The following PIK3C3 variants were observed in gnomAD, a reference collection of about 807,000 sequenced individuals.
PIK3C3 encodes the protein phosphatidylinositol 3-kinase catalytic subunit type 3.
PIK3C3 carries 95 observed loss-of-function variants against 126.1 expected under a neutral mutation model. That is an observed-to-expected ratio of 0.75 (90% CI 0.64 to 0.89). The LOEUF (loss-of-function observed/expected upper bound fraction) is 0.89. Ranked by LOEUF, PIK3C3 falls within the 40% of genes least tolerant of loss-of-function variation. The pLI, the probability that PIK3C3 is intolerant of heterozygous loss-of-function variation, is 0.00. For synonymous variants in PIK3C3, 374 were observed against 360.0 expected, an observed-to-expected ratio of 1.04 and a Z score of -0.44; for missense variants, 829 against 1,063.2, an observed-to-expected ratio of 0.78 and a Z score of 3.06.
chr18:42,020,543 T>G (rs1373252283), intron 12 of PIK3C3, 95 bp from the exon 13 acceptor site: 4 of 726,106 alleles, frequency 5.5e-6, no homozygotes, highest in Admixed American at 2.5e-5. Flanking sequence ...ACATAAGATA[T>G]ACAGATGAAA....
intron 6 of PIK3C3, 128 bp from the exon 7 acceptor site, chr18:41,993,142 T>TA: frequency 1.9e-6 from 1 of 538,500 alleles, no homozygotes; most frequent in Non-Finnish European, 3.3e-6. Flanking sequence ...TAGAAGAAGA[T>TA]AAGGATTTCT....
chr18:41,977,014 A>G (rs1032391664), intron 4 of PIK3C3, among the ~76,000 whole-genome samples: 15 of 152,210 alleles, frequency 9.9e-5, no homozygotes, highest in East Asian at 5.8e-4. Flanking sequence ...TGAAGAATGT[A>G]TTGTTCTTAT....
At position 41,957,552 on chromosome 18, in the gene PIK3C3, T is replaced by C. The variant is rs2144284193; in HGVS notation, c.69-18T>C. 1.2e-6 allele frequency: 2 copies of C among 1,600,122 alleles called. No homozygotes were observed. The highest frequency in any genetic ancestry group is 1.7e-6 in the Non-Finnish European group (2 of 1,176,596). Reference sequence around the variant, plus strand: ...TAAAAAATTCATGTCTGAAACATTGTTGGTCTTGTGCTTTCAGAGGAAGCT... The same window carrying C: ...TAAAAAATTCATGTCTGAAACATTGCTGGTCTTGTGCTTTCAGAGGAAGCT... On this transcript the variant is annotated intron_variant, in intron 1 of 24. Coordinates refer to ENST00000262039, the MANE Select transcript of PIK3C3 (RefSeq NM_002647.4).
chr18:42,076,151 T>TATATATATGCACATATATATATATGCAC (rs1555643425), intron 24 of PIK3C3, among the ~76,000 whole-genome samples: 23 of 103,740 alleles, frequency 2.2e-4, no homozygotes, highest in African/African-American at 9.4e-4. Context: ...TATGCGCATA[T>TATATATATGCACATATATATATATGCAC]ATATATATAT....
In PIK3C3 at chr18:42,085,232, T is replaced by C. The variant is rs1377618592; in HGVS notation, c.*4095T>C. ...GGGCTGGTACATTGCATTTCAACAC[T>C]AGTTTTTTACTTTTATCTACCCTGA... On this transcript the variant is annotated 3_prime_UTR_variant, in exon 25 of 25. Transcript: ENST00000262039. The C allele has an allele frequency of 6.6e-6, 1 of 152,196 alleles. No individual in the cohort carries two copies. Among genetic ancestry groups the C allele is most frequent in the Non-Finnish European group, 1.5e-5 (1 of 68,028 alleles). 9.4% of individuals were successfully genotyped at this position (152,196 alleles called of 1,614,324 possible).
chr18:41,968,569 C>T (rs571071724), intron 3 of PIK3C3, among the ~76,000 whole-genome samples: 2 of 152,208 alleles, frequency 1.3e-5, no homozygotes, highest in East Asian at 1.9e-4. Flanking sequence ...TTATTGCCAA[C>T]TTTAGAGACC....
chr18:42,045,846 T>TA (rs1837224887), intron 20 of PIK3C3, among the ~76,000 whole-genome samples: 1 of 152,214 alleles, frequency 6.6e-6, no homozygotes, highest in South Asian at 2.1e-4. Context: ...ATAGCATAGT[T>TA]ATTGTAAACC....
chr18:41,984,316 T>A (rs1208423196), intron 4 of PIK3C3, among the ~76,000 whole-genome samples: 1 of 152,150 alleles, frequency 6.6e-6, no homozygotes, highest in Non-Finnish European at 1.5e-5. Context: ...AACTAGAAGT[T>A]GCTTTGAACT....
chr18:42,017,171 C>G (rs1487332007), intron 12 of PIK3C3, among the ~76,000 whole-genome samples: 1 of 152,016 alleles, frequency 6.6e-6, no homozygotes, highest in Non-Finnish European at 1.5e-5. Context: ...ATTGTACAAG[C>G]CATTGTCACC....
At chr18:42,080,888 T>C (rs1986222837) in intron 24 of PIK3C3, among the ~76,000 whole-genome samples, 1 of 152,166 alleles carries the variant, frequency 6.6e-6, no homozygotes, top group South Asian at 2.1e-4. Flanking sequence ...ATCTTGAGCT[T>C]ACAGTCAGCA....
At chr18:42,056,430 C>T (rs553593618) in intron 21 of PIK3C3, among the ~76,000 whole-genome samples, 9 of 152,154 alleles carry the variant, frequency 5.9e-5, no homozygotes, top group Admixed American at 5.2e-4. Flanking sequence ...GGATAGGTTT[C>T]GTATTAAAAG....
chr18:41,956,552 T>G (rs952158403), intron 1 of PIK3C3, among the ~76,000 whole-genome samples: 2 of 145,256 alleles, frequency 1.4e-5, no homozygotes, highest in African/African-American at 5.3e-5. Flanking sequence ...CGGTCCCTTT[T>G]TTTTTTTTTT....
At position 42,020,798 on chromosome 18, in the gene PIK3C3, A is replaced by G. The variant is rs1188607650; in HGVS notation, c.1484+93A>G. The G allele has an allele frequency of 1.3e-5, 9 of 703,384 alleles. No individual in the cohort carries two copies. In the East Asian group the frequency reaches 2.2e-4, roughly 17 times the overall value. 43.6% of individuals were successfully genotyped at this position (703,384 alleles called of 1,614,324 possible). A position where few individuals can be genotyped will look rare whatever the true frequency, so the allele number is the denominator to read the frequency against. ...ACACAAAGATGATTTAAAATAAGAT[A>G]TGAGCAATCATCAAAAGTCTAGATA... On this transcript the variant is annotated intron_variant, in intron 13 of 24. Coordinates refer to ENST00000262039, the MANE Select transcript of PIK3C3 (RefSeq NM_002647.4).
chr18:41,996,571 A>G, intron 8 of PIK3C3, 67 bp from the exon 9 acceptor site: 1 of 663,756 alleles, frequency 1.5e-6, no homozygotes, highest in South Asian at 2.5e-5. Context: ...AAAAATATTA[A>G]GTGAAATGGA....
rs756170916 is a variant in PIK3C3, at chr18:42,049,621, T to C, written c.2263+16T>C. ...ACAAAAACAGGTAACAATTAATGAC[T>C]ACCAGTAGACATACATTGTATATGC... On this transcript the variant is annotated intron_variant, in intron 21 of 24. Coordinates refer to ENST00000262039, the MANE Select transcript of PIK3C3 (RefSeq NM_002647.4). 6 of 1,564,834 alleles carry C rather than the reference T, an allele frequency of 3.8e-6. No individual in the cohort carries two copies. Among genetic ancestry groups the C allele is most frequent in the Non-Finnish European group, 5.3e-6 (6 of 1,135,074 alleles).
chr18:41,956,065 T>C (rs1407109605), intron 1 of PIK3C3, among the ~76,000 whole-genome samples: 4 of 152,158 alleles, frequency 2.6e-5, no homozygotes, highest in Non-Finnish European at 2.9e-5. Context: ...GAGTTGGAAA[T>C]TATGTCCCTT....
chr18:42,035,778 G>C (rs1984023580), intron 16 of PIK3C3, among the ~76,000 whole-genome samples: 1 of 152,096 alleles, frequency 6.6e-6, no homozygotes. Flanking sequence ...ACTTGCAGAG[G>C]ATCTGTGGAC....
intron 20 of PIK3C3, among the ~76,000 whole-genome samples, chr18:42,044,941 T>C (rs1984496861): frequency 6.6e-6 from 1 of 152,222 alleles, no homozygotes; most frequent in Non-Finnish European, 1.5e-5. Context: ...ATATTTAAAC[T>C]TGCATATTAT....
At chr18:41,994,108 A>G (rs1981913188) in intron 7 of PIK3C3, among the ~76,000 whole-genome samples, 1 of 152,156 alleles carries the variant, frequency 6.6e-6, no homozygotes. Context: ...ACATTGGATG[A>G]TGAAAACATG....
Sources: gnomAD v4.1 joint callset for allele counts (sites outside exome capture counted in the v4.1 genomes callset) on GRCh38, gnomAD v4.1.1 for gene constraint, MANE v1.5 for transcripts, NCBI Gene and HGNC (gene_info 2026-07-23, HGNC 2026-07-21) for gene names.